CDHR1: variants seen among roughly 807,000 people sequenced by gnomAD.
CDHR1 encodes cadherin related family member 1.
A neutral mutation model predicts 72.1 loss-of-function variants in CDHR1; 61 were observed. That is an observed-to-expected ratio of 0.85 (90% CI 0.69 to 1.05). The LOEUF is 1.05. CDHR1 is among the 50% of genes least tolerant of loss of function. CDHR1 has a pLI of 0.00. For missense variants in CDHR1, 1,186 were observed against 1,115.7 expected (o/e 1.06, Z -0.90); for synonymous variants, 470 against 448.1 (o/e 1.05, Z -0.62).
At position 84,215,449 on chromosome 10, in the gene CDHR1, A is replaced by C; in HGVS notation, c.*828A>C. 1.0e-6 allele frequency: 1 copy of C among 985,344 alleles called. No individual in the cohort carries two copies. The highest frequency in any genetic ancestry group is 1.2e-6 in the Non-Finnish European group (1 of 829,872). 61.0% of individuals were successfully genotyped at this position (985,344 alleles called of 1,614,324 possible). A position where few individuals can be genotyped will look rare whatever the true frequency, so the allele number is the denominator to read the frequency against. On this transcript the variant is annotated 3_prime_UTR_variant, in exon 17 of 17. Transcript: ENST00000623527. ...TGCCCCACCAGCCATCCTTGAAGAG[A>C]CAATTCAGGGCAGTTGATGAATATC... is the stretch of plus-strand genomic sequence containing the variant.
rs374523050 is a variant in CDHR1 at position 84,215,633 on chromosome 10, T to G, written c.*1012T>G. The G allele has an allele frequency of 4.1e-5, 40 of 964,696 alleles. No homozygotes were observed. The South Asian group carries it at 1.7e-3, about 40-fold the overall frequency. The allele number at this position is 964,696 out of a possible 1,614,324, so 59.8% of individuals were successfully genotyped here. ...CTCACATGCAGGTCTAGGGTGAGGA[T>G]TGAAGAAAATAGTGGTGATGAGGGC... is the stretch of plus-strand genomic sequence containing the variant. On this transcript the variant is annotated 3_prime_UTR_variant, in exon 17 of 17. Coordinates refer to ENST00000623527, the MANE Select transcript of CDHR1 (RefSeq NM_033100.4).
Position 84,215,628 on chromosome 10 carries a change from G to A in CDHR1, c.*1007G>A. 14 of 957,502 alleles carry A rather than the reference G, an allele frequency of 1.5e-5. No homozygotes were observed. Among genetic ancestry groups the A allele is most frequent in the Non-Finnish European group, 1.7e-5 (14 of 804,500 alleles). 59.3% of individuals were successfully genotyped at this position (957,502 alleles called of 1,614,324 possible). ...TCTACCTCACATGCAGGTCTAGGGTGAGGATTGAAGAAAATAGTGGTGATG... is the reference window on the plus strand; with the variant it reads ...TCTACCTCACATGCAGGTCTAGGGTAAGGATTGAAGAAAATAGTGGTGATG... On this transcript the variant is annotated 3_prime_UTR_variant, in exon 17 of 17. Transcript: ENST00000623527.
rs1564665387 is a variant in CDHR1, at chr10:84,213,144, C to T, written c.1836C>T (p.Thr612=). 6.2e-7 allele frequency: 1 copy of T among 1,614,202 alleles called. No individual in the cohort carries two copies. The highest frequency in any genetic ancestry group is 8.5e-7 in the Non-Finnish European group (1 of 1,180,042). The change falls in exon 16 of 17, where the codon ACC becomes ACT. Residue 612 remains threonine, a synonymous_variant. Coordinates refer to ENST00000623527, the MANE Select transcript of CDHR1 (RefSeq NM_033100.4). ...ACAACCTGGTGGACTATTCCATCAC[C>T]CATGCAGAGCCCGCCAACGTGTTCG... ...EPNNLVDYSI[T]HAEPANVFDI...
In CDHR1 at chr10:84,212,345, C is replaced by G. The variant is rs746501731; in HGVS notation, c.1720C>G (p.Pro574Ala). Residue 574 changes from proline to alanine, a missense_variant, in exon 15 of 17, where the codon CCT becomes GCT. Pro to Ala is a conservative substitution (Grantham distance 27). Coordinates refer to ENST00000623527, the MANE Select transcript of CDHR1 (RefSeq NM_033100.4). The part of the protein sequence containing the change: ...ITLLDVNDHP[P>A]QFGKSVQKKT... ...ACTGCTGGATGTCAATGACCACCCCCCTCAGTTTGGAAAGAGCGTTCAGAA... is the reference window on the plus strand; with the variant it reads ...ACTGCTGGATGTCAATGACCACCCCGCTCAGTTTGGAAAGAGCGTTCAGAA... 3 of 1,614,068 alleles carry G rather than the reference C, an allele frequency of 1.9e-6. No individual in the cohort carries two copies. The highest frequency in any genetic ancestry group is 1.7e-5 in the Admixed American group (1 of 60,000).
intron 4 of CDHR1, among the ~76,000 whole-genome samples, chr10:84,198,334 G>T (rs904490629): frequency 3.3e-5 from 5 of 152,196 alleles, no homozygotes; most frequent in African/African-American, 1.2e-4. Flanking sequence ...CTAACAACTG[G>T]CCTCCGCCAC....
downstream of CDHR1, chr10:84,219,327 A>C: frequency 6.5e-7 from 1 of 1,541,254 alleles, no homozygotes; most frequent in Non-Finnish European, 8.8e-7. Context: ...CCTCTCCCTA[A>C]ATTTCTATGT....
intron 2 of CDHR1, among the ~76,000 whole-genome samples, chr10:84,196,286 C>G (rs1842028217): frequency 6.6e-6 from 1 of 152,206 alleles, no homozygotes; most frequent in Non-Finnish European, 1.5e-5. Context: ...TGGAAAGTGG[C>G]TGATCATCAC....
Position 84,201,769 on chromosome 10 carries a change from A to C in CDHR1, c.526-38A>C, listed in dbSNP as rs377408181. 7.1e-6 allele frequency: 11 copies of C among 1,556,942 alleles called. No homozygotes were observed. In the African/African-American group the frequency reaches 1.1e-4, roughly 15 times the overall value. On this transcript the variant is annotated intron_variant, in intron 6 of 16. Transcript: ENST00000623527. Reference sequence around the variant, plus strand: ...GCGGGCATTCCTGGGGCTGGCCTGCATTCTTGCTGAGGTCCAGCTGCCCCC... The same window carrying C: ...GCGGGCATTCCTGGGGCTGGCCTGCCTTCTTGCTGAGGTCCAGCTGCCCCC...
intron 13 of CDHR1, 133 bp from the exon 14 acceptor site, chr10:84,211,515 C>T (rs1842331111): frequency 1.2e-6 from 1 of 805,794 alleles, no homozygotes; most frequent in Non-Finnish European, 2.1e-6. Flanking sequence ...GCAGGTCTCT[C>T]CACCAATTTC....
chr10:84,217,396 C>G lies in CDHR1; in HGVS notation c.*2775C>G, dbSNP rs1413681517. 1.0e-6 allele frequency: 1 copy of G among 985,460 alleles called. No individual in the cohort carries two copies. The highest frequency in any genetic ancestry group is 1.7e-5 in the African/African-American group (1 of 57,364). 61.0% of individuals were successfully genotyped at this position (985,460 alleles called of 1,614,324 possible). On this transcript the variant is annotated 3_prime_UTR_variant, in exon 17 of 17. Coordinates refer to ENST00000623527, the MANE Select transcript of CDHR1 (RefSeq NM_033100.4). ...CTGCAGAGTCATTTTCCTCCTGCGG[C>G]TGAGCTCAGATCTTCCAATCACGTG...
At position 84,215,604 on chromosome 10, in the gene CDHR1, C is replaced by T. The variant is rs1842413934; in HGVS notation, c.*983C>T. The stretch of plus-strand genomic sequence containing the variant: ...TGTAAATGAAGAAAGTAGGCCCTGT[C>T]TACCTCACATGCAGGTCTAGGGTGA... On this transcript the variant is annotated 3_prime_UTR_variant, in exon 17 of 17. Coordinates refer to ENST00000623527, the MANE Select transcript of CDHR1 (RefSeq NM_033100.4). 4 of 902,916 alleles carry T rather than the reference C, an allele frequency of 4.4e-6. No homozygotes were observed. The African/African-American group carries it at 7.2e-5, about 16-fold the overall frequency. The allele number at this position is 902,916 out of a possible 1,614,324, so 55.9% of individuals were successfully genotyped here.
chr10:84,198,952 T>C, intron 4 of CDHR1, 80 bp from the exon 5 acceptor site: 2 of 1,012,338 alleles, frequency 2.0e-6, no homozygotes, highest in Non-Finnish European at 3.1e-6. Context: ...ACGTGTACAT[T>C]GGAGTGATAG....
At position 84,214,276 on chromosome 10, in the gene CDHR1, C is replaced by A; in HGVS notation, c.2235C>A (p.Ser745Arg). 1 of 1,613,812 alleles carries A rather than the reference C, an allele frequency of 6.2e-7. No individual in the cohort carries two copies. The highest frequency in any genetic ancestry group is 8.5e-7 in the Non-Finnish European group (1 of 1,180,044). ...PMRRVLRKRP[S>R]PAPRTIRIEW... ...GGCGGGTGCTCCGCAAGCGGCCCAG[C>A]CCTGCGCCCCGCACCATCCGCATTG... The change falls in exon 17 of 17, where the codon AGC becomes AGA. Residue 745 changes from serine to arginine, a missense_variant. Ser to Arg is a moderately radical substitution (Grantham distance 110). Coordinates refer to ENST00000623527, the MANE Select transcript of CDHR1 (RefSeq NM_033100.4).
chr10:84,202,724 C>G (rs1408155364), intron 7 of CDHR1, among the ~76,000 whole-genome samples: 1 of 152,210 alleles, frequency 6.6e-6, no homozygotes, highest in Admixed American at 6.5e-5. Context: ...TGAATGCCCC[C>G]TCTCCTGCCA....
At chr10:84,204,909 T>C (rs1284578842) in intron 9 of CDHR1, among the ~76,000 whole-genome samples, 1 of 152,214 alleles carries the variant, frequency 6.6e-6, no homozygotes, top group Non-Finnish European at 1.5e-5. Flanking sequence ...GCAACATTTC[T>C]CACACTTTTT....
At chr10:84,196,030 G>A (rs528514782) in intron 2 of CDHR1, among the ~76,000 whole-genome samples, 1 of 152,306 alleles carries the variant, frequency 6.6e-6, no homozygotes, top group Admixed American at 6.5e-5. Flanking sequence ...AGGGAGAGCA[G>A]AGCAAAGTAG....
chr10:84,205,101 C>T (rs1350651884), intron 9 of CDHR1, among the ~76,000 whole-genome samples: 1 of 152,178 alleles, frequency 6.6e-6, no homozygotes, highest in African/African-American at 2.4e-5. Flanking sequence ...GTATTTGAAC[C>T]TGAGCCTGCT....
rs2132782894 is a variant in CDHR1 at position 84,194,811 on chromosome 10, C to T, written c.51C>T (p.Cys17=). 1 of 1,532,916 alleles carries T rather than the reference C, an allele frequency of 6.5e-7. No individual in the cohort carries two copies. Among genetic ancestry groups the T allele is most frequent in the East Asian group, 2.4e-5 (1 of 40,864 alleles). The allele number at this position is 1,532,916 out of a possible 1,614,324, so 95.0% of individuals were successfully genotyped here. A position where few individuals can be genotyped will look rare whatever the true frequency, so the allele number is the denominator to read the frequency against. The part of the protein sequence containing the change: ...AALALGLLRL[C]LAQANFAPHF... ...TGGCCCTGGGGCTGCTGCGCCTCTG[C>T]TTGGGTGAGTGGCCGCTGGGCCGCG... The change falls in exon 1 of 17, where the codon TGC becomes TGT. Residue 17 remains cysteine, a synonymous_variant. Coordinates refer to ENST00000623527, the MANE Select transcript of CDHR1 (RefSeq NM_033100.4).
rs930239359 is a variant in CDHR1 at position 84,215,396 on chromosome 10, A to T, written c.*775A>T. 10 of 985,484 alleles carry T rather than the reference A, an allele frequency of 1.0e-5. No homozygotes were observed. In the African/African-American group the frequency reaches 1.7e-4, roughly 17 times the overall value. 61.0% of individuals were successfully genotyped at this position (985,484 alleles called of 1,614,324 possible). A position where few individuals can be genotyped will look rare whatever the true frequency, so the allele number is the denominator to read the frequency against. On this transcript the variant is annotated 3_prime_UTR_variant, in exon 17 of 17. Transcript: ENST00000623527. ...AGAGGTAGCCCTAAAGGCAACTAGAAGAGCATCAGGGCTGCTCTCTGAGGA... is the reference window on the plus strand; with the variant it reads ...AGAGGTAGCCCTAAAGGCAACTAGATGAGCATCAGGGCTGCTCTCTGAGGA...
Sources: allele counts gnomAD v4.1 joint callset (sites outside exome capture counted in the v4.1 genomes callset), GRCh38; gene constraint gnomAD v4.1.1; transcripts MANE v1.5; gene names NCBI Gene and HGNC (gene_info 2026-07-23, HGNC 2026-07-21).